Variants in NACA observed in about 807,000 individuals in gnomAD.
NACA encodes nascent polypeptide-associated complex subunit alpha.
In NACA, 42 loss-of-function variants were observed where a neutral mutation model predicts 86.4. The ratio of observed to expected loss-of-function variants is 0.49; its 90% CI spans 0.38 to 0.63. The LOEUF is 0.63. Among genes scored for constraint, NACA ranks in the 20% least tolerant of loss-of-function variants. The probability of loss-of-function intolerance (pLI) is 0.00; values close to 1 mark genes in which losing one functional copy is unlikely to be tolerated. For missense variants in NACA, 2,157 were observed against 2,483.6 expected (o/e 0.87, Z 2.80); for synonymous variants, 898 against 973.7 (o/e 0.92, Z 1.45).
In NACA at chr12:56,719,238, A is replaced by T. The variant is rs1472506286; in HGVS notation, c.2292T>A (p.Ala764=). ...CAGTTGGGCACTCTTTGGGAGAGGA[A>T]GCAACAGGTGCCAATGCTGAAGTAT... is the stretch of plus-strand genomic sequence containing the variant. ...ISHTSALAPV[A]SSPKECPTED... is the part of the protein sequence containing the mutation. Residue 764 remains alanine, a synonymous_variant, in exon 3 of 9, where the codon GCT becomes GCA. Coordinates refer to ENST00000454682, the MANE Select transcript of NACA (RefSeq NM_001365896.1). 2 of 1,517,478 alleles carry T rather than the reference A, an allele frequency of 1.3e-6. No homozygotes were observed. The highest frequency in any genetic ancestry group is 2.7e-5 in the East Asian group (1 of 37,640). 94.0% of individuals were successfully genotyped at this position (1,517,478 alleles called of 1,614,324 possible).
At position 56,718,911 on chromosome 12, in the gene NACA, C is replaced by T. The variant is rs1953486358; in HGVS notation, c.2619G>A (p.Leu873=). 1.5e-6 allele frequency: 2 copies of T among 1,372,188 alleles called. No homozygotes were observed. Among genetic ancestry groups the T allele is most frequent in the Non-Finnish European group, 1.9e-6 (2 of 1,033,842 alleles). The allele number at this position is 1,372,188 out of a possible 1,614,324, so 85.0% of individuals were successfully genotyped here. A position where few individuals can be genotyped will look rare whatever the true frequency, so the allele number is the denominator to read the frequency against. ...GGGGTAGTGTTACTCCTTTGGGAGACAGAGGAGTCACAGCTGAGGGAGTAG... is the reference window on the plus strand; with the variant it reads ...GGGGTAGTGTTACTCCTTTGGGAGATAGAGGAGTCACAGCTGAGGGAGTAG... The part of the protein sequence containing the change: ...GAPTPSAVTP[L]SPKGVTLPPK... Residue 873 remains leucine (L), a synonymous_variant, in exon 3 of 9, where the codon CTG becomes CTA. Coordinates refer to ENST00000454682, the MANE Select transcript of NACA (RefSeq NM_001365896.1).
At position 56,720,688 on chromosome 12, in the gene NACA, T is replaced by A. The variant is rs1426505279; in HGVS notation, c.842A>T (p.Gln281Leu). 1.2e-6 allele frequency: 2 copies of A among 1,613,728 alleles called. No individual in the cohort carries two copies. The highest frequency in any genetic ancestry group is 1.3e-5 in the African/African-American group (1 of 74,862). Residue 281 changes from glutamine to leucine, a missense_variant, in exon 3 of 9, where the codon CAG becomes CTG. Gln to Leu is a moderately radical substitution (Grantham distance 113). Around this residue, in one of 8 missense-constraint regions of NACA, gnomAD observed 947 missense variants for 917.9 expected, o/e 1.03. Transcript: ENST00000454682. ...AGAAGAGGTCACCACAGGAAGAGAC[T>A]GAGTTGAAAGAGATAAGGCAGCAGG... ...SPPAALSLST[Q>L]SLPVVTSSQK...
chr12:56,724,373 A>AT (rs771690601), intron 2 of NACA, 79 bp downstream of exon 2: 2 of 1,427,606 alleles, frequency 1.4e-6, no homozygotes, highest in African/African-American at 2.9e-5. Flanking sequence ...TAAAAAGTGT[A>AT]TTTCCCCTTG....
Position 56,720,097 on chromosome 12 carries a change from G to A in NACA, c.1433C>T (p.Thr478Ile), listed in dbSNP as rs748595708. The change falls in exon 3 of 9, where the codon ACT (threonine) becomes ATT (isoleucine). Residue 478 changes from threonine (T) to isoleucine (I), a missense_variant. Thr to Ile is a moderately conservative substitution (Grantham distance 89). Around this residue, in one of 8 missense-constraint regions of NACA, gnomAD observed 947 missense variants for 917.9 expected, o/e 1.03. Coordinates refer to ENST00000454682, the MANE Select transcript of NACA (RefSeq NM_001365896.1). ...TGCCATAACCAAGGCAGCAGGGGAA[G>A]TTGGTTCTATGTTACTTATGGGACC... ...SSGPISNIEP[T>I]SPAALVMAPV... The A allele has an allele frequency of 3.1e-6, 5 of 1,613,994 alleles. No individual in the cohort carries two copies. The highest frequency in any genetic ancestry group is 4.2e-6 in the Non-Finnish European group (5 of 1,179,892).
In NACA at chr12:56,720,948, C is replaced by T; in HGVS notation, c.582G>A (p.Glu194=). The T allele has an allele frequency of 1.6e-5, 26 of 1,613,926 alleles. No homozygotes were observed. The highest frequency in any genetic ancestry group is 2.2e-5 in the Non-Finnish European group (26 of 1,179,880). The change falls in exon 3 of 9, where the codon GAG becomes GAA. Residue 194 remains glutamate, a synonymous_variant. Coordinates refer to ENST00000454682, the MANE Select transcript of NACA (RefSeq NM_001365896.1). ...GGGTGCCTTTTGGATTAGGGACTAC[C>T]TCAGAGGGAACTTTATTAAGATTAG... ...PKTNLNKVPS[E]VVPNPKGTPS...
Position 56,719,147 on chromosome 12 carries a change from A to T in NACA, c.2383T>A (p.Ser795Thr). 1 of 1,461,304 alleles carries T rather than the reference A, an allele frequency of 6.8e-7. No homozygotes were observed. Among genetic ancestry groups the T allele is most frequent in the Non-Finnish European group, 9.3e-7 (1 of 1,081,064 alleles). The allele number at this position is 1,461,304 out of a possible 1,614,324, so 90.5% of individuals were successfully genotyped here. Reference sequence around the variant, plus strand: ...GGAGACACACTAACCCCTAAAGGAGATGGGGAATCAGCTAGGTAAGTCAGA... The same window carrying T: ...GGAGACACACTAACCCCTAAAGGAGTTGGGGAATCAGCTAGGTAAGTCAGA... ...GTLTYLADSP[S>T]PLGVSVSPQT... The change falls in exon 3 of 9, where the codon TCT (serine) becomes ACT (threonine). Residue 795 changes from serine to threonine, a missense_variant. By Grantham distance (58) the Ser-to-Thr change is moderately conservative (BLOSUM62 1). Around this residue, in one of 8 missense-constraint regions of NACA, gnomAD observed 174 missense variants for 217.0 expected, o/e 0.80. Coordinates refer to ENST00000454682, the MANE Select transcript of NACA (RefSeq NM_001365896.1).
chr12:56,712,911 G>A lies in NACA; in HGVS notation c.6100-3C>T. On this transcript the variant is annotated splice_region_variant and splice_polypyrimidine_tract_variant and intron_variant, in intron 7 of 8. Transcript: ENST00000454682. ...ACTTCTACACCTGTTTCATCGACCT[G>A]AGAGATGAGAGGGAAAAAGCAGTAA... The A allele has an allele frequency of 6.2e-7, 1 of 1,614,078 alleles. No homozygotes were observed. The highest frequency in any genetic ancestry group is 8.5e-7 in the Non-Finnish European group (1 of 1,179,980).
chr12:56,712,453 C>G lies in NACA; in HGVS notation c.*85G>C. On this transcript the variant is annotated 3_prime_UTR_variant, in exon 9 of 9. Coordinates refer to ENST00000454682, the MANE Select transcript of NACA (RefSeq NM_001365896.1). ...GAATTCATCCAACAAGAAGCCATAA[C>G]TTTATTTATGATAGAAACAGTACAA... The G allele has an allele frequency of 1.4e-6, 2 of 1,406,764 alleles. No homozygotes were observed. Among genetic ancestry groups the G allele is most frequent in the Non-Finnish European group, 9.9e-7 (1 of 1,009,852 alleles). 87.1% of individuals were successfully genotyped at this position (1,406,764 alleles called of 1,614,324 possible).
At chr12:56,715,744 T>C in intron 3 of NACA, 127 bp downstream of exon 3, 8 of 876,782 alleles carry the variant, frequency 9.1e-6, no homozygotes, top group Non-Finnish European at 1.3e-5. Context: ...CATTCTATGT[T>C]CTACATCCAA....
Position 56,724,486 on chromosome 12 carries a change from T to C in NACA, c.36A>G (p.Thr12=). Residue 12 remains threonine (T), a synonymous_variant, in exon 2 of 9, where the codon ACA becomes ACG. Transcript: ENST00000454682. ...CCTGGGGCTGCGGCAACTCCTGCTC[T>C]GTAGCAGGGACGGTTTCTGTGGCTT... ...PGEATETVPA[T]EQELPQPQAE... is the part of the protein sequence containing the mutation. 2 of 1,612,946 alleles carry C rather than the reference T, an allele frequency of 1.2e-6. No individual in the cohort carries two copies. Among genetic ancestry groups the C allele is most frequent in the Non-Finnish European group, 1.7e-6 (2 of 1,179,560 alleles).
chr12:56,720,992 C>G lies in NACA; in HGVS notation c.538G>C (p.Ala180Pro). 1.2e-6 allele frequency: 2 copies of G among 1,613,952 alleles called. No individual in the cohort carries two copies. Among genetic ancestry groups the G allele is most frequent in the South Asian group, 1.1e-5 (1 of 91,086 alleles). The change falls in exon 3 of 9, where the codon GCT becomes CCT. Residue 180 changes from alanine (A) to proline (P), a missense_variant. Around this residue, in one of 8 missense-constraint regions of NACA, gnomAD observed 947 missense variants for 917.9 expected, o/e 1.03. Transcript: ENST00000454682. The part of the protein sequence containing the change: ...GSVITLSAPI[A>P]PSEPKTNLNK... Reference sequence around the variant, plus strand: ...AGATTAGTCTTTGGTTCTGAGGGAGCAATGGGAGCTGACAGAGTTATCACT... The same window carrying G: ...AGATTAGTCTTTGGTTCTGAGGGAGGAATGGGAGCTGACAGAGTTATCACT...
rs1953335892 is a variant in NACA, at chr12:56,715,760, A to G, written c.5659+111T>C. On this transcript the variant is annotated intron_variant, in intron 3 of 8. Transcript: ENST00000454682. The stretch of plus-strand genomic sequence containing the variant: ...ATTCTATGTTCTACATCCAAACCCA[A>G]GCAGATTCACTGGAGAAAGCGGCGC... 3.0e-6 allele frequency: 3 copies of G among 993,842 alleles called. No individual in the cohort carries two copies. The South Asian group carries it at 7.7e-5, about 25-fold the overall frequency. 61.6% of individuals were successfully genotyped at this position (993,842 alleles called of 1,614,324 possible).
chr12:56,714,660 T>A lies in NACA; in HGVS notation c.5687A>T (p.Glu1896Val). 6.2e-7 allele frequency: 1 copy of A among 1,614,178 alleles called. No homozygotes were observed. Among genetic ancestry groups the A allele is most frequent in the Non-Finnish European group, 8.5e-7 (1 of 1,180,028 alleles). Reference protein sequence around the residue: ...KGSGTESDSDESVPELEEQDS... With the variant: ...KGSGTESDSDVSVPELEEQDS... ...CTGTTCTTCAAGCTCTGGTACTGAT[T>A]CATCACTGTCAGATTCTGTTCCAGA... The change falls in exon 4 of 9, where the codon GAA becomes GTA. Residue 1896 changes from glutamate (E) to valine (V), a missense_variant. Around this residue, in one of 8 missense-constraint regions of NACA, gnomAD observed 797 missense variants for 777.6 expected, o/e 1.02. Coordinates refer to ENST00000454682, the MANE Select transcript of NACA (RefSeq NM_001365896.1).
intron 5 of NACA, 26 bp downstream of exon 5, chr12:56,714,336 A>G (rs902697048): frequency 6.2e-7 from 1 of 1,610,026 alleles, no homozygotes; most frequent in Non-Finnish European, 8.5e-7. Flanking sequence ...GCTTCATAAG[A>G]TCCTGAAATC....
In NACA at chr12:56,720,086, C is replaced by CA; in HGVS notation, c.1443dup (p.Ala482CysfsTer32). 6.2e-7 allele frequency: 1 copy of CA among 1,613,866 alleles called. No individual in the cohort carries two copies. ...GGAGCCACAGGTGCCATAACCAAGG[C>CA]AGCAGGGGAAGTTGGTTCTATGTTA... On this transcript the variant is annotated frameshift_variant, in exon 3 of 9. Coordinates refer to ENST00000454682, the MANE Select transcript of NACA (RefSeq NM_001365896.1). LOFTEE classifies it high-confidence loss of function.
chr12:56,716,428 C>G lies in NACA; in HGVS notation c.5102G>C (p.Arg1701Pro). The change falls in exon 3 of 9, where the codon CGG becomes CCG. Residue 1701 changes from arginine to proline, a missense_variant. Physicochemically the swap from Arg to Pro is moderately radical, Grantham distance 103. Transcript: ENST00000454682. Reference sequence around the variant, plus strand: ...ACTCTTTTTGGTCTGTGGACCTTTCCGAGTGGGAGCTGTGATGATTGGCGT... The same window carrying G: ...ACTCTTTTTGGTCTGTGGACCTTTCGGAGTGGGAGCTGTGATGATTGGCGT... The part of the protein sequence containing the change: ...ESTPIITAPT[R>P]KGPQTKKSSA... 2 of 1,589,968 alleles carry G rather than the reference C, an allele frequency of 1.3e-6. No individual in the cohort carries two copies. The highest frequency in any genetic ancestry group is 8.6e-7 in the Non-Finnish European group (1 of 1,165,144).
rs1253020925 is a variant in NACA at position 56,720,566 on chromosome 12, G to A, written c.964C>T (p.Leu322Phe). The A allele has an allele frequency of 1.2e-6, 2 of 1,613,886 alleles. No individual in the cohort carries two copies. Among genetic ancestry groups the A allele is most frequent in the African/African-American group, 2.7e-5 (2 of 74,932 alleles). ...LHQSSFGSVQ[L>F]LGQTGPSALS... ...GCACTAGGACCTGTTTGACCTAAAA[G>A]TTGGACAGAACCAAAAGAACTCTGA... The change falls in exon 3 of 9, where the codon CTT becomes TTT. Residue 322 changes from leucine (L) to phenylalanine (F), a missense_variant. This residue lies in a region of NACA where 947 missense variants were observed against 917.9 expected (regional missense o/e 1.03). Transcript: ENST00000454682.
intron 5 of NACA, 117 bp from the exon 6 acceptor site, chr12:56,713,800 C>T (rs1953278155): frequency 9.6e-7 from 1 of 1,045,368 alleles, no homozygotes; most frequent in Non-Finnish European, 1.4e-6. Context: ...AAAGTTCATA[C>T]AAGAATAGAG....
Position 56,720,011 on chromosome 12 carries a change from G to T in NACA, c.1519C>A (p.Pro507Thr). 1 of 1,613,872 alleles carries T rather than the reference G, an allele frequency of 6.2e-7. No individual in the cohort carries two copies. Among genetic ancestry groups the T allele is most frequent in the Non-Finnish European group, 8.5e-7 (1 of 1,179,868 alleles). ...AGGTCTTCAGGGTCTGGCAGAGGAG[G>T]AGAGACTGGTATCCTCAGAGTGGTT... is the stretch of plus-strand genomic sequence containing the variant. Reference protein sequence around the residue: ...VATTLRIPVSPPLPDPEDLKN... With the variant: ...VATTLRIPVSTPLPDPEDLKN... The change falls in exon 3 of 9, where the codon CCT becomes ACT. Residue 507 changes from proline (P) to threonine (T), a missense_variant. By Grantham distance (38) the Pro-to-Thr change is conservative. Transcript: ENST00000454682.
Sources: allele counts gnomAD v4.1 joint callset, GRCh38; gene constraint gnomAD v4.1.1; regional missense constraint gnomAD v4.1.1; transcripts MANE v1.5; gene names NCBI Gene and HGNC (gene_info 2026-07-23, HGNC 2026-07-21).